LAMC3: variants seen among roughly 807,000 people sequenced by gnomAD.
LAMC3 encodes laminin subunit gamma-3.
A neutral mutation model predicts 173.8 loss-of-function variants in LAMC3; 128 were observed. The ratio of observed to expected loss-of-function variants is 0.74; its 90% CI spans 0.64 to 0.85. The LOEUF is 0.85. LAMC3 is among the 40% of genes least tolerant of loss of function. The probability of loss-of-function intolerance (pLI) is 0.00; values close to 1 mark genes in which losing one functional copy is unlikely to be tolerated. For missense variants in LAMC3, 2,022 were observed against 2,156.0 expected, an observed-to-expected ratio of 0.94 and a Z score of 1.23; for synonymous variants, 897 against 909.1, an observed-to-expected ratio of 0.99 and a Z score of 0.24.
At chr9:131,081,461 C>CCCTT (rs1167208892) in intron 23 of LAMC3, among the ~76,000 whole-genome samples, 2 of 144,418 alleles carry the variant, frequency 1.4e-5, no homozygotes, top group South Asian at 4.6e-4. Context: ...CTCCCTCCCT[C>CCCTT]CCTTCCTTCC....
rs765450550 is a variant in LAMC3 at position 131,087,805 on chromosome 9, C to G, written c.4465C>G (p.Leu1489Val). Residue 1489 changes from leucine (L) to valine (V), a missense_variant, in exon 27 of 28, where the codon CTT (leucine) becomes GTT (valine). Leu to Val is a conservative substitution (Grantham distance 32). Transcript: ENST00000361069. ...GGACATCGAGACCTTGTCAGAGCTG[C>G]TTGCCAGGCTGGGTAAGGAGGCCCT... Reference protein sequence around the residue: ...EKDIETLSELLARLGSLDTHQ... With the variant: ...EKDIETLSELVARLGSLDTHQ... 6.2e-7 allele frequency: 1 copy of G among 1,613,992 alleles called. No homozygotes were observed. The highest frequency in any genetic ancestry group is 1.7e-5 in the Admixed American group (1 of 60,030).
Position 131,052,941 on chromosome 9 carries a change from G to T in LAMC3, c.1915G>T (p.Val639Phe). 1.2e-6 allele frequency: 2 copies of T among 1,613,346 alleles called. No individual in the cohort carries two copies. The highest frequency in any genetic ancestry group is 1.7e-6 in the Non-Finnish European group (2 of 1,179,908). Residue 639 changes from valine to phenylalanine, a missense_variant, in exon 11 of 28, where the codon GTC becomes TTC. Physicochemically the swap from Val to Phe is conservative, Grantham distance 50 (BLOSUM62 -1). Transcript: ENST00000361069. The stretch of plus-strand genomic sequence containing the variant: ...CAACCTGACCAGCCTCCGCCTCCGC[G>T]TCAGTCCCGGCCCCAGCCCTGCCGG... ...LANLTSLRLRVSPGPSPAGPV... is the reference protein window; with the variant it reads ...LANLTSLRLRFSPGPSPAGPV...
intron 20 of LAMC3, among the ~76,000 whole-genome samples, chr9:131,075,043 C>T (rs933516642): frequency 1.3e-5 from 2 of 152,064 alleles, no homozygotes; most frequent in Admixed American, 6.6e-5. Flanking sequence ...GCATGAGGAT[C>T]GTTTGAGGCA....
intron 11 of LAMC3, among the ~76,000 whole-genome samples, chr9:131,056,177 C>T (rs904922955): frequency 4.6e-5 from 7 of 152,062 alleles, no homozygotes; most frequent in Admixed American, 4.6e-4. Flanking sequence ...GCCTGAGTGA[C>T]AGAGCAAGAT....
Position 131,075,679 on chromosome 9 carries a change from C to T in LAMC3, c.3495-152C>T, listed in dbSNP as rs533792717. The T allele has an allele frequency of 7.6e-5, 60 of 784,908 alleles. No individual in the cohort carries two copies. The African/African-American group carries it at 8.5e-4, about 11-fold the overall frequency. 48.6% of individuals were successfully genotyped at this position (784,908 alleles called of 1,614,324 possible). On this transcript the variant is annotated intron_variant, in intron 20 of 27. Coordinates refer to ENST00000361069, the MANE Select transcript of LAMC3 (RefSeq NM_006059.4). ...ACCTTTCCTGTCAGTCCTTGAAGTG[C>T]GTAACACAGAAAGGTGGAAAAGGCG... is the stretch of plus-strand genomic sequence containing the variant.
chr9:131,017,171 C>T (rs945150802), intron 1 of LAMC3, among the ~76,000 whole-genome samples: 3 of 152,220 alleles, frequency 2.0e-5, no homozygotes, highest in East Asian at 1.9e-4. Context: ...GGATGCTGTG[C>T]GCGGGCTGCT....
chr9:131,087,672 G>A (rs369700055), intron 26 of LAMC3, 46 bp from the exon 27 acceptor site: 31 of 1,613,608 alleles, frequency 1.9e-5, no homozygotes, highest in Non-Finnish European at 2.4e-5. Flanking sequence ...CTGGCAGCCC[G>A]GGTGGGGACG....
At chr9:131,012,461 C>T (rs762370574) in intron 1 of LAMC3, among the ~76,000 whole-genome samples, 35 of 152,230 alleles carry the variant, frequency 2.3e-4, no homozygotes, top group Admixed American at 4.6e-4. Context: ...TGAGACAGCT[C>T]AGGGCTGAGG....
intron 1 of LAMC3, among the ~76,000 whole-genome samples, chr9:131,012,062 TACACAC>T (rs33965311): frequency 9.4e-5 from 13 of 138,514 alleles, no homozygotes; most frequent in African/African-American, 2.1e-4. Context: ...CACACACACA[TACACAC>T]ACACACACAC....
At chr9:131,011,023 G>A (rs913592749) in intron 1 of LAMC3, among the ~76,000 whole-genome samples, 1 of 152,168 alleles carries the variant, frequency 6.6e-6, no homozygotes, top group African/African-American at 2.4e-5. Context: ...CCAAAGCTTT[G>A]AAAACTCAAA....
At chr9:131,038,301 T>TGGGCAGC (rs1269571285) in intron 4 of LAMC3, among the ~76,000 whole-genome samples, 1 of 152,216 alleles carries the variant, frequency 6.6e-6, no homozygotes, top group African/African-American at 2.4e-5. Flanking sequence ...GTCTGGGCTG[T>TGGGCAGC]GGGCAGCACG....
At chr9:131,045,226 A>AC (rs1186764550) in intron 7 of LAMC3, among the ~76,000 whole-genome samples, 127 of 81,290 alleles carry the variant, frequency 1.6e-3, no homozygotes, top group South Asian at 4.3e-3. Context: ...TGTCTCAAAA[A>AC]AAAAAAAAAA....
At chr9:131,050,544 T>G (rs1834263385) in intron 9 of LAMC3, among the ~76,000 whole-genome samples, 1 of 151,910 alleles carries the variant, frequency 6.6e-6, no homozygotes, top group South Asian at 2.1e-4. Context: ...TTGGGGGGGA[T>G]CTTCTGAGGT....
intron 11 of LAMC3, 31 bp downstream of exon 11, chr9:131,052,996 C>G: frequency 1.3e-6 from 2 of 1,496,718 alleles, no homozygotes. Flanking sequence ...GCCCAAGACC[C>G]GAGTGCTTGC....
chr9:131,087,625 A>G lies in LAMC3; in HGVS notation c.4377+3A>G. ...AGGAGCTGGAGGAAGCTGAGCGGGT[A>G]CGTTTGCCAGGGCCCCTACCCTATC... On this transcript the variant is annotated splice_donor_region_variant and intron_variant, in intron 26 of 27. Coordinates refer to ENST00000361069, the MANE Select transcript of LAMC3 (RefSeq NM_006059.4). 1 of 1,613,902 alleles carries G rather than the reference A, an allele frequency of 6.2e-7. No individual in the cohort carries two copies. The highest frequency in any genetic ancestry group is 8.5e-7 in the Non-Finnish European group (1 of 1,179,936).
At chr9:131,030,817 C>T (rs1488471575) in intron 2 of LAMC3, among the ~76,000 whole-genome samples, 1 of 152,244 alleles carries the variant, frequency 6.6e-6, no homozygotes, top group Non-Finnish European at 1.5e-5. Flanking sequence ...GCTCCTTGTC[C>T]AGTAGCCGGC....
intron 24 of LAMC3, 126 bp from the exon 25 acceptor site, chr9:131,085,398 G>A: frequency 4.5e-6 from 4 of 891,012 alleles, no homozygotes. Context: ...CACGTTGCAT[G>A]CACTTCAGAC....
At position 131,069,858 on chromosome 9, in the gene LAMC3, G is replaced by A. The variant is rs563444562; in HGVS notation, c.3069+8G>A. On this transcript the variant is annotated splice_region_variant and intron_variant, in intron 17 of 27. Coordinates refer to ENST00000361069, the MANE Select transcript of LAMC3 (RefSeq NM_006059.4). ...GCCCTGGTGAAGGAGGAGGTGAGTC[G>A]GCCCAGACCCACTCACCTTTCCATT... The A allele has an allele frequency of 1.1e-5, 17 of 1,579,142 alleles. No homozygotes were observed. The highest frequency in any genetic ancestry group is 3.5e-5 in the South Asian group (3 of 86,464).
intron 8 of LAMC3, 96 bp downstream of exon 8, chr9:131,045,756 A>G: frequency 2.7e-6 from 4 of 1,470,306 alleles, no homozygotes; most frequent in South Asian, 1.1e-5. Context: ...TGGATCTCCC[A>G]TTGTGGAGAG....
Sources: allele counts gnomAD v4.1 joint callset (sites outside exome capture counted in the v4.1 genomes callset), GRCh38; gene constraint gnomAD v4.1.1; transcripts MANE v1.5; gene names NCBI Gene and HGNC (gene_info 2026-07-23, HGNC 2026-07-21).